Variants in LTBP4 observed in about 807,000 individuals in gnomAD.
LTBP4 encodes latent transforming growth factor beta binding protein 4.
Under a neutral mutation model 180.2 loss-of-function variants are expected in LTBP4, and 93 were observed. The observed-to-expected ratio is 0.52, with a 90% CI of 0.44 to 0.61. The LOEUF (loss-of-function observed/expected upper bound fraction) is 0.61, where lower values mean the gene tolerates loss of function less well. Ranked by LOEUF, LTBP4 falls within the 20% of genes least tolerant of loss-of-function variation. The pLI, the probability that LTBP4 is intolerant of heterozygous loss-of-function variation, is 0.00. For synonymous variants in LTBP4, 947 were observed against 934.5 expected (o/e 1.01, Z -0.24); for missense variants, 2,116 against 2,256.5 (o/e 0.94, Z 1.26).
intron 1 of LTBP4, chr19:40,594,504 C>T (rs1421015098): frequency 1.3e-5 from 2 of 152,064 alleles, no homozygotes; most frequent in Non-Finnish European, 2.9e-5. Context: ...GGATCCCGGA[C>T]AGAAGGGAGA....
intron 7 of LTBP4, 21 bp from the exon 8 acceptor site, chr19:40,608,191 CTCTCTCTG>C: frequency 1.2e-6 from 2 of 1,613,336 alleles, no homozygotes; most frequent in Non-Finnish European, 1.7e-6. Flanking sequence ...CTCTCTTGTC[CTCTCTCTG>C]TCTCTCTTAC....
chr19:40,595,464 T>A (rs1875627070), intron 1 of LTBP4, among the ~76,000 whole-genome samples: 1 of 151,298 alleles, frequency 6.6e-6, no homozygotes, highest in African/African-American at 2.4e-5. Context: ...CAGGGGGTCC[T>A]GGGGGCTCCT....
chr19:40,597,923 G>T (rs1239979639), upstream of LTBP4, among the ~76,000 whole-genome samples: 1 of 152,004 alleles, frequency 6.6e-6, no homozygotes, highest in Non-Finnish European at 1.5e-5. Context: ...GAGTGGGGTC[G>T]GGTGGGGGAG....
rs755340528 is a variant in LTBP4, at chr19:40,627,798, G to C, written c.4460G>C (p.Gly1487Ala). The change falls in exon 29 of 30, where the codon GGC becomes GCC. Residue 1487 changes from glycine (G) to alanine (A), a missense_variant. By Grantham distance (60) the Gly-to-Ala change is moderately conservative. Transcript: ENST00000396819. ...TNGRCVRVPE[G>A]FTCRCFDGYR... is the part of the protein sequence containing the mutation. ...GGCCGCTGCGTGCGCGTCCCCGAAG[G>C]CTTCACCTGCCGTTGCTTCGACGGC... The C allele has an allele frequency of 1.9e-6, 3 of 1,568,760 alleles. No homozygotes were observed. Among genetic ancestry groups the C allele is most frequent in the African/African-American group, 1.4e-5 (1 of 73,938 alleles).
chr19:40,629,520 C>A lies in LTBP4; in HGVS notation c.4644C>A (p.His1548Gln). 6.3e-7 allele frequency: 1 copy of A among 1,582,090 alleles called. No homozygotes were observed. The highest frequency in any genetic ancestry group is 8.6e-7 in the Non-Finnish European group (1 of 1,161,482). The change falls in exon 30 of 30, where the codon CAC (histidine) becomes CAA (glutamine). Residue 1548 changes from histidine (H) to glutamine (Q), a missense_variant. His to Gln is a conservative substitution (Grantham distance 24). This residue lies in a region of LTBP4 where 488 missense variants were observed against 458.8 expected (regional missense o/e 1.06). Transcript: ENST00000396819. The surrounding 1 kb of genome is among the most constrained non-coding windows in gnomAD (Gnocchi z 4.5). Reference sequence around the variant, plus strand: ...GATTCGCACCCACGCACCAGCCGCACCACTGTGCGCCCGCACGGCCCCGGG... The same window carrying A: ...GATTCGCACCCACGCACCAGCCGCAACACTGTGCGCCCGCACGGCCCCGGG... ...RPGFAPTHQPHHCAPARPRA is the reference protein window; with the variant it reads ...RPGFAPTHQPQHCAPARPRA
chr19:40,627,935 G>A, intron 29 of LTBP4, 78 bp downstream of exon 29: 1 of 1,489,678 alleles, frequency 6.7e-7, no homozygotes, highest in East Asian at 2.5e-5. Flanking sequence ...TGACTAGGGG[G>A]TGCTGGTCAG....
Position 40,614,001 on chromosome 19 carries a change from G to C in LTBP4, c.2643G>C (p.Pro881=). 1 of 1,613,412 alleles carries C rather than the reference G, an allele frequency of 6.2e-7. No individual in the cohort carries two copies. Among genetic ancestry groups the C allele is most frequent in the Non-Finnish European group, 8.5e-7 (1 of 1,179,758 alleles). ...TDGSFECICP[P]GHRAGPDLAS... ...GCTCCTTCGAGTGCATCTGTCCTCC[G>C]GGACACCGCGCTGGCCCGGACCTCG... The change falls in exon 18 of 30, where the codon CCG becomes CCC. Residue 881 remains proline (P), a synonymous_variant. Coordinates refer to ENST00000396819, the MANE Select transcript of LTBP4 (RefSeq NM_001042545.2).
intron 24 of LTBP4, 80 bp downstream of exon 24, chr19:40,623,101 T>C: frequency 2.9e-6 from 3 of 1,048,142 alleles, no homozygotes; most frequent in Non-Finnish European, 4.1e-6. Context: ...TGCCTCTGTC[T>C]CTCACCCTTT....
rs758555377 is a variant in LTBP4, at chr19:40,613,022, G to T, written c.2300-43G>T. On this transcript the variant is annotated intron_variant, in intron 15 of 29. Coordinates refer to ENST00000396819, the MANE Select transcript of LTBP4 (RefSeq NM_001042545.2). This position sits in a 1 kb window ranked among gnomAD's most constrained non-coding sequence, Gnocchi z 5.0. ...TACTCCAAGGGGATTGGTCGGGTGT[G>T]TCCCGAGACTGGACCCTTTCTGAAC... 1 of 1,597,474 alleles carries T rather than the reference G, an allele frequency of 6.3e-7. No homozygotes were observed. Among genetic ancestry groups the T allele is most frequent in the South Asian group, 1.1e-5 (1 of 88,724 alleles).
chr19:40,597,297 C>T (rs766114441), upstream of LTBP4: 8 of 1,524,792 alleles, frequency 5.2e-6, no homozygotes, highest in South Asian at 8.4e-5. Context: ...TGCCGCTCTT[C>T]GCAGCCGCCA....
At position 40,613,124 on chromosome 19, in the gene LTBP4, A is replaced by C. The variant is rs971350381; in HGVS notation, c.2359A>C (p.Thr787Pro). ...TGGTCCCCACGGCCACTGCACTAAC[A>C]CCGAAGGCTCCTTCCGCTGCAGCTG... ...PCGPHGHCTNTEGSFRCSCAP... is the reference protein window; with the variant it reads ...PCGPHGHCTNPEGSFRCSCAP... Residue 787 changes from threonine (T) to proline (P), a missense_variant, in exon 16 of 30, where the codon ACC becomes CCC. Thr to Pro is a conservative substitution (Grantham distance 38, BLOSUM62 -1). This residue lies in a region of LTBP4 where 877 missense variants were observed against 873.6 expected (regional missense o/e 1.00). Coordinates refer to ENST00000396819, the MANE Select transcript of LTBP4 (RefSeq NM_001042545.2). The surrounding 1 kb of genome is among the most constrained non-coding windows in gnomAD (Gnocchi z 5.0). The C allele has an allele frequency of 6.2e-7, 1 of 1,605,104 alleles. No homozygotes were observed. Among genetic ancestry groups the C allele is most frequent in the African/African-American group, 1.3e-5 (1 of 74,658 alleles).
In LTBP4 at chr19:40,627,766, C is replaced by T. The variant is rs1301521602; in HGVS notation, c.4428C>T (p.Cys1476=). The change falls in exon 29 of 30, where the codon TGC becomes TGT. Residue 1476 remains cysteine (C), a synonymous_variant. Transcript: ENST00000396819. The part of the protein sequence containing the change: ...EAEECGILDG[C]TNGRCVRVPE... ...AGGAGTGCGGGATCCTGGACGGCTG[C>T]ACCAACGGCCGCTGCGTGCGCGTCC... The T allele has an allele frequency of 6.3e-7, 1 of 1,587,162 alleles. No homozygotes were observed. Among genetic ancestry groups the T allele is most frequent in the Non-Finnish European group, 8.6e-7 (1 of 1,169,518 alleles).
rs1028774848 is a variant in LTBP4, at chr19:40,618,542, T to A, written c.3071-805T>A. On this transcript the variant is annotated intron_variant, in intron 21 of 29. Coordinates refer to ENST00000396819, the MANE Select transcript of LTBP4 (RefSeq NM_001042545.2). The stretch of plus-strand genomic sequence containing the variant: ...TCCTAAAGTGCTGGGATTATAAGCA[T>A]GAGCCACCACGCCTGGCCTGTAGAG... Among the ~76,000 whole-genome samples, 19 of 152,254 alleles carry A rather than the reference T, an allele frequency of 1.2e-4. 1 individual carries two copies. Among genetic ancestry groups the A allele is most frequent in the African/African-American group, 4.6e-4 (19 of 41,542 alleles).
At chr19:40,617,676 T>C (rs2146038321) in intron 21 of LTBP4, among the ~76,000 whole-genome samples, 1 of 150,568 alleles carries the variant, frequency 6.6e-6, no homozygotes, top group Non-Finnish European at 1.5e-5. Flanking sequence ...AAATCAGAAC[T>C]GTTGTAGTGG....
At chr19:40,627,593 C>G in intron 28 of LTBP4, 112 bp from the exon 29 acceptor site, 8 of 1,410,718 alleles carry the variant, frequency 5.7e-6, no homozygotes, top group Middle Eastern at 2.2e-4. Flanking sequence ...AGCCCTGGAG[C>G]GGGATGGACA....
chr19:40,611,845 C>A lies in LTBP4; in HGVS notation c.2054-14C>A. 1 of 1,603,078 alleles carries A rather than the reference C, an allele frequency of 6.2e-7. No individual in the cohort carries two copies. On this transcript the variant is annotated splice_polypyrimidine_tract_variant and intron_variant, in intron 13 of 29. Transcript: ENST00000396819. This position sits in a 1 kb window ranked among gnomAD's most constrained non-coding sequence, Gnocchi z 4.4. ...AGGCCCCTTCCTCAGCCTCATTGGTCCCCTCTGCCCCAGATGTGGATGAGT... is the reference window on the plus strand; with the variant it reads ...AGGCCCCTTCCTCAGCCTCATTGGTACCCTCTGCCCCAGATGTGGATGAGT...
chr19:40,611,088 CA>C lies in LTBP4; in HGVS notation c.1811-61del. ...GACAGAATGTTGGAGGGTGGAAAGC[CA>C]AAGTGACAGAGGTCAGGGAGGCAGA... is the stretch of plus-strand genomic sequence containing the variant. On this transcript the variant is annotated intron_variant, in intron 12 of 29. Transcript: ENST00000396819. The surrounding 1 kb of genome is among the most constrained non-coding windows in gnomAD (Gnocchi z 4.4). 1 of 1,599,786 alleles carries C rather than the reference CA, an allele frequency of 6.3e-7. No individual in the cohort carries two copies. Among genetic ancestry groups the C allele is most frequent in the Admixed American group, 1.7e-5 (1 of 59,278 alleles).
chr19:40,597,215 G>C (rs923291207), upstream of LTBP4: 80 of 1,456,986 alleles, frequency 5.5e-5, no homozygotes, highest in Middle Eastern at 2.4e-4. Flanking sequence ...CGCCCGGAGC[G>C]GGACTCGGCG....
chr19:40,623,307 T>A (rs898253699), intron 24 of LTBP4, among the ~76,000 whole-genome samples: 3 of 152,088 alleles, frequency 2.0e-5, no homozygotes, highest in Admixed American at 2.0e-4. Flanking sequence ...CTGGCGTAGC[T>A]GGCTACAGAC....
Sources: gnomAD v4.1 joint callset for allele counts (sites outside exome capture counted in the v4.1 genomes callset) on GRCh38, gnomAD v4.1.1 for gene constraint, gnomAD v4.1.1 regional missense constraint, Gnocchi (gnomAD v3.1) non-coding constraint, MANE v1.5 for transcripts, NCBI Gene and HGNC (gene_info 2026-07-23, HGNC 2026-07-21) for gene names.